The following MDGA2 variants were observed in gnomAD, a reference collection of about 807,000 sequenced individuals.
MDGA2 encodes MAM domain-containing glycosylphosphatidylinositol anchor protein 2.
MDGA2 carries 40 observed loss-of-function variants against 117.8 expected under a neutral mutation model. The ratio of observed to expected loss-of-function variants is 0.34; its 90% CI spans 0.26 to 0.44. The LOEUF (loss-of-function observed/expected upper bound fraction) is 0.44. Ranked by LOEUF, MDGA2 falls within the 20% of genes least tolerant of loss-of-function variation. The probability of loss-of-function intolerance (pLI) is 1.00; values close to 1 mark genes in which losing one functional copy is unlikely to be tolerated. For missense variants in MDGA2, 1,123 were observed against 1,250.6 expected, an observed-to-expected ratio of 0.90 and a Z score of 1.54; for synonymous variants, 452 against 439.0, an observed-to-expected ratio of 1.03 and a Z score of -0.37.
chr14:47,008,601 C>CT (rs1004039381), intron 8 of MDGA2, among the ~76,000 whole-genome samples: 1 of 151,852 alleles, frequency 6.6e-6, no homozygotes, highest in African/African-American at 2.4e-5. Context: ...TGAAATGGCA[C>CT]TGCTCTAGAA....
At chr14:47,355,738 C>A (rs1159954813) in intron 1 of MDGA2, among the ~76,000 whole-genome samples, 2 of 152,194 alleles carry the variant, frequency 1.3e-5, no homozygotes, top group Non-Finnish European at 2.9e-5. Flanking sequence ...TTCCCCACCT[C>A]TACAAGAGAA....
Position 47,301,565 on chromosome 14 carries a change from A to G in MDGA2, c.281-15T>C. ...CGTGGGAGGAGCTGTCGAGTCAGGA[A>G]GAAGAGAGACAAGATACATGAAAAG... On this transcript the variant is annotated splice_polypyrimidine_tract_variant and intron_variant, in intron 1 of 16. Transcript: ENST00000399232. The G allele has an allele frequency of 6.4e-7, 1 of 1,551,552 alleles. No homozygotes were observed. The highest frequency in any genetic ancestry group is 8.7e-7 in the Non-Finnish European group (1 of 1,146,884).
intron 8 of MDGA2, among the ~76,000 whole-genome samples, chr14:46,971,327 T>A (rs983814769): frequency 5.3e-5 from 8 of 152,138 alleles, no homozygotes; most frequent in African/African-American, 1.9e-4. Flanking sequence ...TGTCCACCAA[T>A]GGATGAATGG....
At chr14:47,153,148 G>C (rs2139237236) in intron 3 of MDGA2, among the ~76,000 whole-genome samples, 1 of 152,268 alleles carries the variant, frequency 6.6e-6, no homozygotes, top group Non-Finnish European at 1.5e-5. Flanking sequence ...TTTTAGCCAG[G>C]CTTTCGCTTT....
In MDGA2 at chr14:46,855,924, T is replaced by C. The variant is rs1881251812; in HGVS notation, c.2753-770A>G. ...CTAAAAGAGTTATTGGAAAATAAAA[T>C]GAAGATAGCTTTTATCTCATTATTT... On this transcript the variant is annotated intron_variant, in intron 14 of 16. Coordinates refer to ENST00000399232, the MANE Select transcript of MDGA2 (RefSeq NM_001113498.3). The surrounding 1 kb of genome is among the most constrained non-coding windows in gnomAD (Gnocchi z 4.1). 6.6e-6 allele frequency among the ~76,000 whole-genome samples: 1 copy of C among 152,148 alleles called. No individual in the cohort carries two copies. Among genetic ancestry groups the C allele is most frequent in the Admixed American group, 6.6e-5 (1 of 15,258 alleles).
intron 7 of MDGA2, among the ~76,000 whole-genome samples, chr14:47,053,601 G>GTATATA (rs373802720): frequency 1.8e-4 from 19 of 107,600 alleles, no homozygotes; most frequent in Non-Finnish European, 2.4e-4. Context: ...GTGTGTATGT[G>GTATATA]TATATATATA....
chr14:47,144,842 GA>G (rs1402795147), intron 3 of MDGA2, among the ~76,000 whole-genome samples: 1 of 100,404 alleles, frequency 1.0e-5, no homozygotes, highest in African/African-American at 4.9e-5. Flanking sequence ...TACAGACAGG[GA>G]CTGGCTATGT....
Position 47,537,600 on chromosome 14 carries a change from A to C in MDGA2, c.280+136917T>G, listed in dbSNP as rs1283116371. The stretch of plus-strand genomic sequence containing the variant: ...AAAAAAAAAAAAAAAAAAAAAAAAA[A>C]AAAAAAAAAAAAAACTTAAAAATAA... On this transcript the variant is annotated intron_variant, in intron 1 of 16. Transcript: ENST00000399232. Among the ~76,000 whole-genome samples the C allele has an allele frequency of 3.3e-3, 484 of 147,616 alleles. 6 individuals are homozygous for C. The highest frequency in any genetic ancestry group is 0.012 in the African/African-American group (456 of 39,536).
intron 1 of MDGA2, among the ~76,000 whole-genome samples, chr14:47,434,957 G>A (rs1338542487): frequency 3.3e-5 from 5 of 152,010 alleles, no homozygotes; most frequent in Non-Finnish European, 5.9e-5. Context: ...CCAACATGGG[G>A]AAAACCTGTC....
intron 3 of MDGA2, among the ~76,000 whole-genome samples, chr14:47,198,369 G>A (rs564449441): frequency 2.0e-5 from 3 of 152,114 alleles, no homozygotes; most frequent in East Asian, 1.9e-4. Context: ...TCAGGAGATC[G>A]AGACCATGAT....
chr14:47,323,685 T>G (rs1461403726), intron 1 of MDGA2, among the ~76,000 whole-genome samples: 1 of 151,932 alleles, frequency 6.6e-6, no homozygotes, highest in African/African-American at 2.4e-5. Flanking sequence ...AATAAAACTG[T>G]CTTTAACTAT....
At chr14:47,234,711 A>T (rs1886802850) in intron 2 of MDGA2, among the ~76,000 whole-genome samples, 1 of 152,160 alleles carries the variant, frequency 6.6e-6, no homozygotes, top group Non-Finnish European at 1.5e-5. Context: ...TTATACATTC[A>T]TTATTTTAGG....
intron 5 of MDGA2, among the ~76,000 whole-genome samples, chr14:47,130,937 C>T (rs1369277458): frequency 1.3e-5 from 2 of 152,032 alleles, no homozygotes; most frequent in Admixed American, 1.3e-4. Context: ...TTAATGGGTG[C>T]AGCACACCAA....
intron 8 of MDGA2, among the ~76,000 whole-genome samples, chr14:47,000,778 C>T (rs994005487): frequency 4.6e-5 from 7 of 151,854 alleles, no homozygotes; most frequent in Non-Finnish European, 1.0e-4. Flanking sequence ...AAGGAAGCTA[C>T]ACTTTGAATA....
chr14:47,523,919 A>G (rs1182346131), intron 1 of MDGA2, among the ~76,000 whole-genome samples: 1 of 152,214 alleles, frequency 6.6e-6, no homozygotes, highest in East Asian at 1.9e-4. Flanking sequence ...CAGTTGAAAC[A>G]TTTATTTTCC....
intron 8 of MDGA2, among the ~76,000 whole-genome samples, chr14:46,974,620 T>C (rs1324499316): frequency 1.3e-5 from 2 of 152,264 alleles, no homozygotes; most frequent in South Asian, 2.1e-4. Context: ...GGTCATTCAA[T>C]GGGGAATAGA....
intron 8 of MDGA2, among the ~76,000 whole-genome samples, chr14:47,000,438 C>CATATAAATATAT (rs1183740329): frequency 4.9e-5 from 4 of 82,204 alleles, no homozygotes; most frequent in African/African-American, 1.2e-4. Context: ...AATATATATA[C>CATATAAATATAT]ATATAAATAT....
At chr14:47,571,946 C>G (rs909050133) in intron 1 of MDGA2, among the ~76,000 whole-genome samples, 3 of 152,110 alleles carry the variant, frequency 2.0e-5, no homozygotes, top group African/African-American at 7.2e-5. Flanking sequence ...CACACCTGAA[C>G]AGTACATTCT....
At chr14:47,178,452 T>TCTAACTTTG (rs1884565907) in intron 3 of MDGA2, among the ~76,000 whole-genome samples, 1 of 152,198 alleles carries the variant, frequency 6.6e-6, no homozygotes, top group South Asian at 2.1e-4. Context: ...TTTATTTGTT[T>TCTAACTTTG]CTAACTTTGG....
Sources: allele counts gnomAD v4.1 joint callset (sites outside exome capture counted in the v4.1 genomes callset), GRCh38; gene constraint gnomAD v4.1.1; non-coding constraint Gnocchi (gnomAD v3.1); transcripts MANE v1.5; gene names NCBI Gene and HGNC (gene_info 2026-07-23, HGNC 2026-07-21).